The following PITPNM3 variants were observed in gnomAD, a reference collection of about 807,000 sequenced individuals.
PITPNM3 encodes the protein PITPNM family member 3.
A neutral mutation model predicts 102.0 loss-of-function variants in PITPNM3; 26 were observed. That is an observed-to-expected ratio of 0.25 (90% CI 0.19 to 0.35). PITPNM3 has a LOEUF of 0.35. Among genes scored for constraint, PITPNM3 ranks in the 10% least tolerant of loss-of-function variants. PITPNM3 has a pLI of 1.00. For missense variants in PITPNM3, 1,083 were observed against 1,346.1 expected (o/e 0.80, Z 3.06); for synonymous variants, 578 against 558.6 (o/e 1.03, Z -0.49).
chr17:6,461,618 G>C, intron 17 of PITPNM3, 62 bp from the exon 18 acceptor site: 7 of 1,568,778 alleles, frequency 4.5e-6, no homozygotes, highest in Non-Finnish European at 5.3e-6. Flanking sequence ...ATGCCCAGAA[G>C]CCTGCCCTGC....
intron 6 of PITPNM3, among the ~76,000 whole-genome samples, chr17:6,482,183 T>A (rs1490713437): frequency 6.6e-6 from 1 of 151,984 alleles, no homozygotes; most frequent in African/African-American, 2.4e-5. Context: ...GAAGGAGTCC[T>A]GCCCCATACC....
Position 6,455,251 on chromosome 17 carries a change from C to T in PITPNM3, c.*87G>A. Reference sequence around the variant, plus strand: ...CGGGAGGGAAAAAGCAGGAAAACGCCTGTGTCGGGGAGAGGGCAGCCCCCT... The same window carrying T: ...CGGGAGGGAAAAAGCAGGAAAACGCTTGTGTCGGGGAGAGGGCAGCCCCCT... On this transcript the variant is annotated 3_prime_UTR_variant, in exon 20 of 20. Coordinates refer to ENST00000262483, the MANE Select transcript of PITPNM3 (RefSeq NM_031220.4). 6.9e-7 allele frequency: 1 copy of T among 1,447,320 alleles called. No homozygotes were observed. The highest frequency in any genetic ancestry group is 1.3e-5 in the South Asian group (1 of 74,162). 89.7% of individuals were successfully genotyped at this position (1,447,320 alleles called of 1,614,324 possible).
Position 6,451,845 on chromosome 17 carries a change from A to G in PITPNM3, c.*3493T>C, listed in dbSNP as rs530370695. ...TTTCTTTTGGCTGAGCCAAAAGACA[A>G]TAGGTTTCCAGGGCACTTGGCACCC... On this transcript the variant is annotated 3_prime_UTR_variant, in exon 20 of 20. Coordinates refer to ENST00000262483, the MANE Select transcript of PITPNM3 (RefSeq NM_031220.4). 1 of 149,640 alleles carries G rather than the reference A, an allele frequency of 6.7e-6. No homozygotes were observed. Among genetic ancestry groups the G allele is most frequent in the African/African-American group, 2.5e-5 (1 of 40,588 alleles). 9.3% of individuals were successfully genotyped at this position (149,640 alleles called of 1,614,324 possible).
rs1438995217 is a variant in PITPNM3, at chr17:6,459,122, C to G, written c.2491-1400G>C. ...AGCTCACTCCTATAACTTGGATCCTCCAGCTCTGGCGACCCTGCCTACCTG... is the reference window on the plus strand; with the variant it reads ...AGCTCACTCCTATAACTTGGATCCTGCAGCTCTGGCGACCCTGCCTACCTG... On this transcript the variant is annotated intron_variant, in intron 18 of 19. Coordinates refer to ENST00000262483, the MANE Select transcript of PITPNM3 (RefSeq NM_031220.4). The surrounding 1 kb of genome is among the most constrained non-coding windows in gnomAD (Gnocchi z 5.0). Among the ~76,000 whole-genome samples, 1 of 152,176 alleles carries G rather than the reference C, an allele frequency of 6.6e-6. No homozygotes were observed. Among genetic ancestry groups the G allele is most frequent in the Non-Finnish European group, 1.5e-5 (1 of 68,038 alleles).
chr17:6,531,980 C>T (rs1353483153), intron 2 of PITPNM3, among the ~76,000 whole-genome samples: 1 of 152,142 alleles, frequency 6.6e-6, no homozygotes, highest in Non-Finnish European at 1.5e-5. Context: ...GTGGTACATG[C>T]CTGTAATCCC....
intron 12 of PITPNM3, 109 bp downstream of exon 12, chr17:6,471,052 C>G (rs1251586709): frequency 7.5e-7 from 1 of 1,325,694 alleles, no homozygotes; most frequent in Admixed American, 2.0e-5. Context: ...TTCACCTTCT[C>G]CCTATCCCAG....
intron 1 of PITPNM3, among the ~76,000 whole-genome samples, chr17:6,546,622 C>A (rs192081621): frequency 6.6e-6 from 1 of 152,242 alleles, no homozygotes; most frequent in African/African-American, 2.4e-5. Flanking sequence ...ACACTGCTAG[C>A]CAAAGACTAA....
At chr17:6,476,087 G>T (rs969464912) in intron 9 of PITPNM3, among the ~76,000 whole-genome samples, 1 of 152,100 alleles carries the variant, frequency 6.6e-6, no homozygotes, top group African/African-American at 2.4e-5. Context: ...CCATTCATTC[G>T]ACATTATATT....
At chr17:6,536,024 G>A (rs1017543494) in intron 2 of PITPNM3, among the ~76,000 whole-genome samples, 6 of 149,428 alleles carry the variant, frequency 4.0e-5, no homozygotes, top group Non-Finnish European at 7.4e-5. Context: ...AGATCGCTCC[G>A]TTGCACCGCC....
Position 6,472,633 on chromosome 17 carries a change from T to C in PITPNM3, c.1429+24A>G, listed in dbSNP as rs1292700645. 5.6e-6 allele frequency: 9 copies of C among 1,607,044 alleles called. No homozygotes were observed. Among genetic ancestry groups the C allele is most frequent in the Non-Finnish European group, 5.9e-6 (7 of 1,177,640 alleles). ...GGGCCCCACCTCCAGCTCAGCACACTCTCTCCCACCCCCAAGAACCTACCG... is the reference window on the plus strand; with the variant it reads ...GGGCCCCACCTCCAGCTCAGCACACCCTCTCCCACCCCCAAGAACCTACCG... On this transcript the variant is annotated intron_variant, in intron 11 of 19. Transcript: ENST00000262483. This position sits in a 1 kb window ranked among gnomAD's most constrained non-coding sequence, Gnocchi z 4.1.
intron 8 of PITPNM3, among the ~76,000 whole-genome samples, chr17:6,477,529 A>ACTT (rs753494920): frequency 4.6e-4 from 70 of 151,954 alleles, no homozygotes; most frequent in Admixed American, 1.1e-3. Context: ...ATTATGATAC[A>ACTT]CTTCTTCTTC....
At chr17:6,518,806 A>T (rs1908326542) in intron 3 of PITPNM3, among the ~76,000 whole-genome samples, 1 of 152,202 alleles carries the variant, frequency 6.6e-6, no homozygotes, top group Non-Finnish European at 1.5e-5. Flanking sequence ...ATGAGAAAGA[A>T]GTCATAACTT....
At chr17:6,545,086 G>T (rs940640722) in intron 1 of PITPNM3, among the ~76,000 whole-genome samples, 1 of 152,084 alleles carries the variant, frequency 6.6e-6, no homozygotes, top group African/African-American at 2.4e-5. Context: ...ACTGCTTCCA[G>T]CCCCAGTTCT....
intron 3 of PITPNM3, among the ~76,000 whole-genome samples, chr17:6,518,558 G>C (rs747865941): frequency 6.6e-6 from 1 of 151,590 alleles, no homozygotes; most frequent in Non-Finnish European, 1.5e-5. Flanking sequence ...AAATAGAAAA[G>C]CACAAATCAC....
At chr17:6,497,665 C>G (rs1906918864) in intron 4 of PITPNM3, among the ~76,000 whole-genome samples, 1 of 152,240 alleles carries the variant, frequency 6.6e-6, no homozygotes, top group African/African-American at 2.4e-5. Context: ...GGGACAGCTG[C>G]CTGCGGCCCT....
intron 2 of PITPNM3, among the ~76,000 whole-genome samples, chr17:6,527,777 T>A (rs1908914976): frequency 6.6e-6 from 1 of 152,220 alleles, no homozygotes; most frequent in African/African-American, 2.4e-5. Flanking sequence ...GTGAAAAACA[T>A]GATAGAAATA....
chr17:6,553,140 G>A (rs1017643194), intron 1 of PITPNM3, among the ~76,000 whole-genome samples: 3 of 151,998 alleles, frequency 2.0e-5, no homozygotes, highest in African/African-American at 7.2e-5. Flanking sequence ...AGCCTTCACT[G>A]TCTGTCTCAA....
intron 6 of PITPNM3, among the ~76,000 whole-genome samples, chr17:6,482,066 G>GTCTGTCTCTCTCTCTCTCTCTCTGTC (rs1905772959): frequency 2.1e-5 from 1 of 47,824 alleles, no homozygotes; most frequent in Admixed American, 2.3e-4. Context: ...CTCTCTCTCT[G>GTCTGTCTCTCTCTCTCTCTCTCTGTC]TCTCTCTCTC....
In PITPNM3 at chr17:6,457,507, T is replaced by C. The variant is rs183570031; in HGVS notation, c.2619+87A>G. The C allele has an allele frequency of 5.0e-4, 794 of 1,581,368 alleles. 6 individuals carry two copies. The African/African-American group carries it at 9.3e-3, about 19-fold the overall frequency. ...GCAAATGGGGGAATGAACAAATGAA[T>C]GAATGAATGAATGAAGTGCTTACTC... On this transcript the variant is annotated intron_variant, in intron 19 of 19. Transcript: ENST00000262483. The surrounding 1 kb of genome is among the most constrained non-coding windows in gnomAD (Gnocchi z 4.7).
Sources: allele counts gnomAD v4.1 joint callset (sites outside exome capture counted in the v4.1 genomes callset), GRCh38; gene constraint gnomAD v4.1.1; non-coding constraint Gnocchi (gnomAD v3.1); transcripts MANE v1.5; gene names NCBI Gene and HGNC (gene_info 2026-07-23, HGNC 2026-07-21).